Variants in TJP3 observed in about 807,000 individuals in gnomAD.
TJP3 encodes the protein tight junction protein 3, also known as tight junction protein ZO-3.
TJP3 carries 85 observed loss-of-function variants against 104.2 expected under a neutral mutation model. The observed-to-expected ratio is 0.82, with a 90% CI of 0.68 to 0.98. The LOEUF is 0.98. TJP3 is among the 50% of genes least tolerant of loss of function. TJP3 has a pLI of 0.00. For missense variants in TJP3, 1,367 were observed against 1,322.8 expected, an observed-to-expected ratio of 1.03 and a Z score of -0.52; for synonymous variants, 550 against 550.6, an observed-to-expected ratio of 1.00 and a Z score of 0.02.
At chr19:3,736,671 G>T (rs1235872604) in intron 11 of TJP3, among the ~76,000 whole-genome samples, 1 of 151,942 alleles carries the variant, frequency 6.6e-6, no homozygotes, top group East Asian at 1.9e-4. Context: ...TGCCTCCCAG[G>T]TTCAAGCAAT....
chr19:3,737,931 T>C (rs1285103479), intron 11 of TJP3, among the ~76,000 whole-genome samples: 1 of 151,732 alleles, frequency 6.6e-6, no homozygotes, highest in Non-Finnish European at 1.5e-5. Context: ...TTGCTGTCCA[T>C]GTCGTGACCC....
chr19:3,748,881 T>TA (rs1280479331), intron 19 of TJP3, among the ~76,000 whole-genome samples: 3 of 113,294 alleles, frequency 2.6e-5, no homozygotes, highest in South Asian at 3.0e-4. Flanking sequence ...TTTTTTGAGT[T>TA]AGAGTCTCGC....
At chr19:3,716,963 T>G (rs1599142572) in intron 1 of TJP3, among the ~76,000 whole-genome samples, 1 of 116,632 alleles carries the variant, frequency 8.6e-6, no homozygotes. Flanking sequence ...CACGCCCAGG[T>G]GACTTTTTTT....
chr19:3,731,798 G>A lies in TJP3; in HGVS notation c.614-137G>A, dbSNP rs1341649999. 50 of 612,146 alleles carry A rather than the reference G, an allele frequency of 8.2e-5. No individual in the cohort carries two copies. In the Middle Eastern group the frequency reaches 1.0e-3, roughly 13 times the overall value. The allele number at this position is 612,146 out of a possible 1,614,324, so 37.9% of individuals were successfully genotyped here. On this transcript the variant is annotated intron_variant, in intron 5 of 20. Coordinates refer to ENST00000541714, the MANE Select transcript of TJP3 (RefSeq NM_001267560.2). ...CAATCAGATCTCGGGTCCTACGGGC[G>A]ACATCACTGTTCTCCTTATGATGCC...
intron 14 of TJP3, chr19:3,743,697 C>T (rs1017445554): frequency 1.2e-4 from 55 of 441,780 alleles, no homozygotes; most frequent in Admixed American, 3.9e-5. Context: ...CTTATTCCTG[C>T]CCTTGAAGGC....
chr19:3,750,025 A>T, intron 19 of TJP3, 113 bp from the exon 20 acceptor site: 2 of 1,339,626 alleles, frequency 1.5e-6, no homozygotes, highest in South Asian at 1.2e-5. Flanking sequence ...CGGGGTTAGC[A>T]AGTGGGCAGC....
At position 3,746,900 on chromosome 19, in the gene TJP3, C is replaced by CAG. The variant is rs200218528; in HGVS notation, c.2322+24_2322+25insAG. On this transcript the variant is annotated intron_variant, in intron 18 of 20. Transcript: ENST00000541714. This position sits in a 1 kb window ranked among gnomAD's most constrained non-coding sequence, Gnocchi z 4.1. ...AGGTACTGCCGCGGTGTGGGTGGGT[C>CAG]GGGCAGGGAGGCCCCACAGACGCTG... 34,043 of 707,236 alleles carry CAG rather than the reference C, an allele frequency of 0.048. 510 individuals are homozygous for CAG. The highest frequency in any genetic ancestry group is 0.068 in the Non-Finnish European group (28,758 of 422,586). 43.8% of individuals were successfully genotyped at this position (707,236 alleles called of 1,614,324 possible).
In TJP3 at chr19:3,738,539, A is replaced by G; in HGVS notation, c.1285-16A>G. The stretch of plus-strand genomic sequence containing the variant: ...GTACCAGAGCTTTTTCTATAGCTGC[A>G]CTTGCTTTCTGGCAGGTGAATGACG... On this transcript the variant is annotated splice_polypyrimidine_tract_variant and intron_variant, in intron 11 of 20. Coordinates refer to ENST00000541714, the MANE Select transcript of TJP3 (RefSeq NM_001267560.2). 6.2e-7 allele frequency: 1 copy of G among 1,609,446 alleles called. No individual in the cohort carries two copies. Among genetic ancestry groups the G allele is most frequent in the South Asian group, 1.1e-5 (1 of 90,730 alleles).
chr19:3,733,915 G>A lies in TJP3; in HGVS notation c.877+3G>A, dbSNP rs1314334022. 3.7e-6 allele frequency: 6 copies of A among 1,613,528 alleles called. No homozygotes were observed. The highest frequency in any genetic ancestry group is 5.1e-6 in the Non-Finnish European group (6 of 1,179,680). On this transcript the variant is annotated splice_donor_region_variant and intron_variant, in intron 7 of 20. Transcript: ENST00000541714. ...CAGCGACAGCTCGCCATTGGAGGGT[G>A]AGGACCTAGAGGTTAGGACCTGGGA...
intron 1 of TJP3, among the ~76,000 whole-genome samples, chr19:3,722,670 A>G (rs2036552753): frequency 6.6e-6 from 1 of 151,554 alleles, no homozygotes; most frequent in Non-Finnish European, 1.5e-5. Flanking sequence ...CAGCCAGGGT[A>G]GACTGGGACT....
rs773144698 is a variant in TJP3, at chr19:3,736,297, C to A, written c.1260C>A (p.Ile420=). 1.3e-6 allele frequency: 2 copies of A among 1,536,308 alleles called. No individual in the cohort carries two copies. The highest frequency in any genetic ancestry group is 8.7e-7 in the Non-Finnish European group (1 of 1,143,732). ...QAGSPADGQG[I]QEGDQILQVN... Reference sequence around the variant, plus strand: ...GCAGCCCGGCCGACGGGCAGGGCATCCAGGAGGGAGATCAGATTCTGCAGG... The same window carrying A: ...GCAGCCCGGCCGACGGGCAGGGCATACAGGAGGGAGATCAGATTCTGCAGG... The change falls in exon 11 of 21, where the codon ATC becomes ATA. Residue 420 remains isoleucine (I), a synonymous_variant. Coordinates refer to ENST00000541714, the MANE Select transcript of TJP3 (RefSeq NM_001267560.2).
chr19:3,723,912 G>C (rs559083121), intron 1 of TJP3, among the ~76,000 whole-genome samples: 1 of 151,860 alleles, frequency 6.6e-6, no homozygotes, highest in African/African-American at 2.4e-5. Context: ...TGAGGAGGTG[G>C]CATTTGAGCC....
intron 1 of TJP3, among the ~76,000 whole-genome samples, chr19:3,713,122 C>T (rs184356718): frequency 1.1e-4 from 16 of 152,206 alleles, no homozygotes; most frequent in Non-Finnish European, 5.9e-5. Flanking sequence ...ACGCCAAACC[C>T]TGAGACGTTC....
chr19:3,739,449 C>T (rs2036783540), intron 13 of TJP3, among the ~76,000 whole-genome samples: 1 of 152,152 alleles, frequency 6.6e-6, no homozygotes, highest in Non-Finnish European at 1.5e-5. Flanking sequence ...GAGATCACGC[C>T]ACTGCACTCC....
At chr19:3,717,532 G>T (rs530392030) in intron 1 of TJP3, among the ~76,000 whole-genome samples, 2 of 150,930 alleles carry the variant, frequency 1.3e-5, no homozygotes, top group African/African-American at 4.9e-5. Context: ...GCCTCCCAGG[G>T]TCAAGTGATT....
chr19:3,715,176 G>A (rs1249067758), intron 1 of TJP3, among the ~76,000 whole-genome samples: 1 of 150,272 alleles, frequency 6.7e-6, no homozygotes, highest in Non-Finnish European at 1.5e-5. Context: ...TGCAACCTCC[G>A]CCTCCCGGGT....
Position 3,730,667 on chromosome 19 carries a change from C to A in TJP3, c.574C>A (p.Pro192Thr), listed in dbSNP as rs150239168. Reference protein sequence around the residue: ...RLPRQDVQMKPVKSVLVKRRD... With the variant: ...RLPRQDVQMKTVKSVLVKRRD... ...GCCACGGCAGGACGTGCAGATGAAGCCTGTGAAGTCAGTGCTGGTGAAGAG... is the reference window on the plus strand; with the variant it reads ...GCCACGGCAGGACGTGCAGATGAAGACTGTGAAGTCAGTGCTGGTGAAGAG... Residue 192 changes from proline to threonine, a missense_variant, in exon 5 of 21, where the codon CCT becomes ACT. Coordinates refer to ENST00000541714, the MANE Select transcript of TJP3 (RefSeq NM_001267560.2). This position sits in a 1 kb window ranked among gnomAD's most constrained non-coding sequence, Gnocchi z 7.3. 5 of 1,610,780 alleles carry A rather than the reference C, an allele frequency of 3.1e-6. No individual in the cohort carries two copies. The highest frequency in any genetic ancestry group is 1.1e-5 in the South Asian group (1 of 91,088).
chr19:3,730,527 G>A lies in TJP3; in HGVS notation c.434G>A (p.Arg145His), dbSNP rs751628140. Reference protein sequence around the residue: ...SSGSGRSWDERSRRPRPGRRG... With the variant: ...SSGSGRSWDEHSRRPRPGRRG... ...GGCTCCGGCCGCTCCTGGGACGAGC[G>A]CTCCCGCCGGCCGAGGCCTGGTCGC... The change falls in exon 5 of 21, where the codon CGC (arginine) becomes CAC (histidine). Residue 145 changes from arginine to histidine, a missense_variant. Physicochemically the swap from Arg to His is conservative, Grantham distance 29. Coordinates refer to ENST00000541714, the MANE Select transcript of TJP3 (RefSeq NM_001267560.2). This position sits in a 1 kb window ranked among gnomAD's most constrained non-coding sequence, Gnocchi z 7.3. The A allele has an allele frequency of 2.3e-5, 36 of 1,594,892 alleles. No homozygotes were observed. Among genetic ancestry groups the A allele is most frequent in the Non-Finnish European group, 2.6e-5 (31 of 1,173,546 alleles).
chr19:3,747,924 A>G lies in TJP3; in HGVS notation c.2453A>G (p.Asp818Gly), dbSNP rs1439733897. The G allele has an allele frequency of 3.1e-6, 5 of 1,613,136 alleles. No homozygotes were observed. In the African/African-American group the frequency reaches 5.3e-5, roughly 17 times the overall value. The change falls in exon 19 of 21, where the codon GAT becomes GGT. Residue 818 changes from aspartate to glycine, a missense_variant. By Grantham distance (94) the Asp-to-Gly change is moderately conservative. Coordinates refer to ENST00000541714, the MANE Select transcript of TJP3 (RefSeq NM_001267560.2). ...GACGGCGAGGGCGGCGCGTACACGG[A>G]TGGCGAGGGCTACACAGACGGCGAG... ...ETDGEGGAYT[D>G]GEGYTDGEGG... is the part of the protein sequence containing the mutation.
Sources: allele counts gnomAD v4.1 joint callset (sites outside exome capture counted in the v4.1 genomes callset), GRCh38; gene constraint gnomAD v4.1.1; non-coding constraint Gnocchi (gnomAD v3.1); transcripts MANE v1.5; gene names NCBI Gene and HGNC (gene_info 2026-07-23, HGNC 2026-07-21).